The following MID1 variants were observed in gnomAD, a reference collection of about 807,000 sequenced individuals.
MID1 encodes E3 ubiquitin-protein ligase Midline-1.
MID1 carries 7 observed loss-of-function variants against 40.4 expected under a neutral mutation model. The observed-to-expected ratio is 0.17, with a 90% confidence interval of 0.10 to 0.33. The LOEUF (loss-of-function observed/expected upper bound fraction) is 0.33. MID1 is among the 10% of genes least tolerant of loss of function. The probability of loss-of-function intolerance (pLI) is 1.00; values close to 1 mark genes in which losing one functional copy is unlikely to be tolerated. For missense variants in MID1, 367 were observed against 558.5 expected (o/e 0.66, Z 3.46); for synonymous variants, 229 against 221.2 (o/e 1.04, Z -0.31).
intron 1 of MID1, among the ~76,000 whole-genome samples, chrX:10,686,726 G>A (rs1283132547): frequency 8.9e-6 from 1 of 112,417 alleles, no homozygotes; most frequent in African/African-American, 3.2e-5. Context: ...AGATTGGGCA[G>A]ACAAAGCAGC....
intron 1 of MID1, among the ~76,000 whole-genome samples, chrX:10,684,045 C>T (rs1363541667): frequency 1.8e-5 from 2 of 110,397 alleles, no homozygotes; most frequent in African/African-American, 3.3e-5. Flanking sequence ...GCTGGGATTA[C>T]AGGCATGAGC....
At chrX:10,636,499 G>A (rs1352689245) in intron 1 of MID1, among the ~76,000 whole-genome samples, 16 of 109,670 alleles carry the variant, frequency 1.5e-4, no homozygotes, top group African/African-American at 1.0e-4. Flanking sequence ...AGGTTTCACC[G>A]TTGGGATTTG....
At chrX:10,823,616 G>A (rs2044193419) in intron 1 of MID1, among the ~76,000 whole-genome samples, 2 of 111,066 alleles carry the variant, frequency 1.8e-5, no homozygotes, top group Admixed American at 1.9e-4. Context: ...ACAGTTGCAT[G>A]TGTGTGTGTA....
At chrX:10,726,836 T>A (rs1258787549) in intron 1 of MID1, among the ~76,000 whole-genome samples, 2 of 112,757 alleles carry the variant, frequency 1.8e-5, no homozygotes, top group Non-Finnish European at 3.7e-5. Context: ...CAAGGAGCCA[T>A]GAACTGCTGA....
intron 2 of MID1, among the ~76,000 whole-genome samples, chrX:10,539,832 CCTCCCTGG>C (rs1933400742): frequency 8.9e-6 from 1 of 112,585 alleles, no homozygotes; most frequent in South Asian, 3.7e-4. Flanking sequence ...GCAGCCTCCA[CCTCCCTGG>C]CTCAAGTGAT....
At chrX:10,465,270 T>TGAAA (rs1378809328) in intron 7 of MID1, among the ~76,000 whole-genome samples, 1 of 80,072 alleles carries the variant, frequency 1.2e-5, no homozygotes, top group Non-Finnish European at 2.4e-5. Context: ...CATACATATA[T>TGAAA]GAAAGAATAA....
chrX:10,544,824 T>C (rs956233866), intron 2 of MID1, among the ~76,000 whole-genome samples: 1 of 112,720 alleles, frequency 8.9e-6, no homozygotes, highest in Non-Finnish European at 1.9e-5. Flanking sequence ...AAGGAAAGGC[T>C]AATAGATGAG....
At chrX:10,565,472 G>C (rs1934492461) in intron 2 of MID1, 1 of 331,206 alleles carries the variant, frequency 3.0e-6, no homozygotes, top group Non-Finnish European at 5.9e-6. Flanking sequence ...GCTAAGGAGA[G>C]GTGATAGAAA....
intron 1 of MID1, among the ~76,000 whole-genome samples, chrX:10,682,109 C>G (rs1386062704): frequency 9.1e-6 from 1 of 110,340 alleles, no homozygotes; most frequent in Non-Finnish European, 1.9e-5. Context: ...AGTTCAAAAC[C>G]AGCCTAAGCA....
chrX:10,615,868 C>G (rs1227689811), intron 1 of MID1, among the ~76,000 whole-genome samples: 1 of 112,622 alleles, frequency 8.9e-6, no homozygotes, highest in African/African-American at 3.2e-5. Flanking sequence ...CCAGAATCTT[C>G]CCGATAAACT....
At chrX:10,588,939 T>G (rs1007997140) in intron 1 of MID1, among the ~76,000 whole-genome samples, 1 of 111,699 alleles carries the variant, frequency 9.0e-6, no homozygotes, top group South Asian at 3.8e-4. Context: ...CCTGGTGTCA[T>G]AGTACTCCAT....
At chrX:10,553,101 A>G (rs1199954504) in intron 2 of MID1, among the ~76,000 whole-genome samples, 1 of 110,557 alleles carries the variant, frequency 9.0e-6, no homozygotes, top group Non-Finnish European at 1.9e-5. Flanking sequence ...TACAAAAATT[A>G]GCCGGGCGTG....
At chrX:10,547,089 G>C (rs2147421322) in intron 2 of MID1, among the ~76,000 whole-genome samples, 1 of 111,966 alleles carries the variant, frequency 8.9e-6, no homozygotes, top group East Asian at 2.8e-4. Context: ...CCAGAAGTTT[G>C]AGATCAGCCC....
At chrX:10,497,317 T>C (rs1482521037) in intron 3 of MID1, among the ~76,000 whole-genome samples, 3 of 112,197 alleles carry the variant, frequency 2.7e-5, no homozygotes, top group Non-Finnish European at 5.6e-5. Context: ...AACTTTAGTG[T>C]TGAACTTTCT....
At chrX:10,813,051 T>C (rs2044112742) in intron 1 of MID1, among the ~76,000 whole-genome samples, 1 of 111,306 alleles carries the variant, frequency 9.0e-6, no homozygotes, top group South Asian at 3.9e-4. Flanking sequence ...TAGTTCATCC[T>C]ATAATTGGAA....
intron 2 of MID1, among the ~76,000 whole-genome samples, chrX:10,563,729 T>C (rs757687325): frequency 8.9e-6 from 1 of 112,226 alleles, no homozygotes; most frequent in Non-Finnish European, 1.9e-5. Context: ...TCTCAATGCA[T>C]AGTCTCCGAA....
At chrX:10,612,788 T>C (rs1935756426) in intron 1 of MID1, among the ~76,000 whole-genome samples, 1 of 111,786 alleles carries the variant, frequency 8.9e-6, no homozygotes, top group African/African-American at 3.3e-5. Flanking sequence ...TATATCTTAG[T>C]AGAAGGCATG....
intron 2 of MID1, among the ~76,000 whole-genome samples, chrX:10,565,971 G>A (rs1934518425): frequency 9.1e-6 from 1 of 110,121 alleles, no homozygotes; most frequent in Admixed American, 9.6e-5. Flanking sequence ...CACCACACCC[G>A]GCTAATTTTT....
chrX:10,686,303 G>C (rs1343983640), intron 1 of MID1, among the ~76,000 whole-genome samples: 1 of 110,965 alleles, frequency 9.0e-6, no homozygotes, highest in Non-Finnish European at 1.9e-5. Context: ...AATGGATTAG[G>C]TTCCACCTTC....
Sources: allele counts gnomAD v4.1 joint callset (sites outside exome capture counted in the v4.1 genomes callset), GRCh38; gene constraint gnomAD v4.1.1; transcripts MANE v1.5; gene names NCBI Gene and HGNC (gene_info 2026-07-23, HGNC 2026-07-21).